ZFPM1: variants seen among roughly 807,000 people sequenced by gnomAD.
The protein encoded by ZFPM1 is zinc finger protein, FOG family member 1, also known as zinc finger protein ZFPM1.
In ZFPM1, 28 loss-of-function variants were observed where a neutral mutation model predicts 46.3. That is an observed-to-expected ratio of 0.60 (90% CI 0.45 to 0.83). The LOEUF is 0.83. ZFPM1 is among the 40% of genes least tolerant of loss of function. ZFPM1 has a pLI of 0.00. For synonymous variants in ZFPM1, 957 were observed against 675.9 expected (o/e 1.42, Z -6.45); for missense variants, 1,878 against 1,432.4 (o/e 1.31, Z -5.02).
At chr16:88,511,951 G>T (rs948183471) in intron 3 of ZFPM1, among the ~76,000 whole-genome samples, 1 of 152,048 alleles carries the variant, frequency 6.6e-6, no homozygotes, top group Non-Finnish European at 1.5e-5. Context: ...ACACCCCTCC[G>T]ATCCCTGGAC....
intron 2 of ZFPM1, 135 bp downstream of exon 2, chr16:88,486,178 C>T: frequency 1.1e-6 from 1 of 926,146 alleles, no homozygotes. Flanking sequence ...AGGCGTCTTC[C>T]AGCCAGAGGC....
intron 1 of ZFPM1, among the ~76,000 whole-genome samples, chr16:88,460,931 AGGCCTGGTGATGACCGAGGGGCGGGGCG>A (rs1907800222): frequency 3.6e-4 from 20 of 55,000 alleles, no homozygotes; most frequent in South Asian, 1.6e-3. Flanking sequence ...GCGGGGCGGG[AGGCCTGGTGATGACCGAGGGGCGGGGCG>A]GGAGGCCTGG....
At chr16:88,530,242 G>A (rs149922632) in intron 6 of ZFPM1, among the ~76,000 whole-genome samples, 159 of 152,260 alleles carry the variant, frequency 1.0e-3, no homozygotes, top group African/African-American at 3.4e-3. Context: ...TGAGGGTCCC[G>A]TCCTCCAGCA....
At chr16:88,494,577 G>C (rs1909824644) in intron 3 of ZFPM1, among the ~76,000 whole-genome samples, 1 of 152,210 alleles carries the variant, frequency 6.6e-6, no homozygotes, top group African/African-American at 2.4e-5. Context: ...ATTCCAGGAG[G>C]GGGTGTCCGC....
At chr16:88,485,170 C>T (rs933984156) in intron 1 of ZFPM1, among the ~76,000 whole-genome samples, 5 of 152,140 alleles carry the variant, frequency 3.3e-5, no homozygotes, top group Non-Finnish European at 7.4e-5. Context: ...GTGGCGACGG[C>T]GACCCTCAGG....
rs541158985 is a variant in ZFPM1 at position 88,497,527 on chromosome 16, G to A, written c.268+8374G>A. ...GGGGTCAGGGTGGGGCTCAGGGCCC[G>A]GGCGGGGATGGGGTTCAGCGGGGTC... On this transcript the variant is annotated intron_variant, in intron 3 of 9. Transcript: ENST00000319555. This position sits in a 1 kb window ranked among gnomAD's most constrained non-coding sequence, Gnocchi z 5.4. Among the ~76,000 whole-genome samples, 3 of 151,006 alleles carry A rather than the reference G, an allele frequency of 2.0e-5. No homozygotes were observed. The highest frequency in any genetic ancestry group is 2.0e-4 in the East Asian group (1 of 5,098).
chr16:88,506,742 C>G (rs1443245439), intron 3 of ZFPM1, among the ~76,000 whole-genome samples: 2 of 150,880 alleles, frequency 1.3e-5, no homozygotes, highest in East Asian at 2.0e-4. Context: ...CCTGCAAGGA[C>G]CTGGACCCTC....
Position 88,532,638 on chromosome 16 carries a change from T to G in ZFPM1, c.971T>G (p.Ile324Ser), listed in dbSNP as rs1008998032. The change falls in exon 8 of 10, where the codon ATC becomes AGC. Residue 324 changes from isoleucine (I) to serine (S), a missense_variant. Transcript: ENST00000319555. ...GGAGAGCGGCCCTTCGTGTGCCTGA[T>G]CTGCCTGTCGGCCTTCACCACCAAG... is the stretch of plus-strand genomic sequence containing the variant. ...HSGERPFVCL[I>S]CLSAFTTKAN... 1 of 1,583,380 alleles carries G rather than the reference T, an allele frequency of 6.3e-7. No individual in the cohort carries two copies. Among genetic ancestry groups the G allele is most frequent in the African/African-American group, 1.3e-5 (1 of 74,386 alleles).
In ZFPM1 at chr16:88,528,129, T is replaced by C. The variant is rs948423764; in HGVS notation, c.603T>C (p.Pro201=). 7 of 1,598,218 alleles carry C rather than the reference T, an allele frequency of 4.4e-6. No individual in the cohort carries two copies. Among genetic ancestry groups the C allele is most frequent in the Admixed American group, 1.7e-5 (1 of 58,370 alleles). The change falls in exon 6 of 10, where the codon CCT becomes CCC. Residue 201 remains proline, a synonymous_variant. Transcript: ENST00000319555. The part of the protein sequence containing the change: ...TAEPHSTPGH[P]VKKEPAEPTC... ...AGCCCCACAGCACCCCCGGCCACCCTGTGAAGAAGGAGCCAGCAGAGCCCA... is the reference window on the plus strand; with the variant it reads ...AGCCCCACAGCACCCCCGGCCACCCCGTGAAGAAGGAGCCAGCAGAGCCCA...
rs138649888 is a variant in ZFPM1, at chr16:88,532,847, G to C, written c.1101G>C (p.Leu367Phe). 4.3e-5 allele frequency: 70 copies of C among 1,613,366 alleles called. No individual in the cohort carries two copies. In the African/African-American group the frequency reaches 8.4e-4, roughly 19 times the overall value. ...STTRDILYSH[L>F]VTNHMVCQPG... The stretch of plus-strand genomic sequence containing the variant: ...CAAGGGACATCCTCTACAGCCACTT[G>C]GTCACCAACCACATGGTCTGCCAGC... Residue 367 changes from leucine to phenylalanine, a missense_variant, in exon 9 of 10, where the codon TTG becomes TTC. By Grantham distance (22) the Leu-to-Phe change is conservative (BLOSUM62 0). Transcript: ENST00000319555.
intron 1 of ZFPM1, among the ~76,000 whole-genome samples, chr16:88,483,268 G>C (rs1428152196): frequency 6.7e-6 from 1 of 150,350 alleles, no homozygotes; most frequent in East Asian, 1.9e-4. Flanking sequence ...CTCCCCGGTG[G>C]CACCTGCCCC....
chr16:88,489,536 G>A (rs965598184), intron 3 of ZFPM1, among the ~76,000 whole-genome samples: 5 of 152,202 alleles, frequency 3.3e-5, no homozygotes, highest in South Asian at 4.1e-4. Context: ...CAGCTGGGCC[G>A]GGATTCAGAG....
intron 1 of ZFPM1, among the ~76,000 whole-genome samples, chr16:88,461,183 C>CGGGAGGCCTGGTGAGGACCAA (rs1907856948): frequency 2.9e-5 from 1 of 34,724 alleles, no homozygotes; most frequent in African/African-American, 2.2e-4. Flanking sequence ...GACCGAGGGG[C>CGGGAGGCCTGGTGAGGACCAA]GGGGCGGGAG....
intron 1 of ZFPM1, among the ~76,000 whole-genome samples, chr16:88,475,560 G>T (rs1000559474): frequency 6.6e-6 from 1 of 152,100 alleles, no homozygotes; most frequent in African/African-American, 2.4e-5. Context: ...GGAGGGGAGA[G>T]CGAGCTGAGG....
chr16:88,463,034 C>T (rs1455443861), intron 1 of ZFPM1, among the ~76,000 whole-genome samples: 1 of 152,190 alleles, frequency 6.6e-6, no homozygotes, highest in Non-Finnish European at 1.5e-5. Flanking sequence ...TGCGTGGGCC[C>T]ACTCCTTCCC....
intron 3 of ZFPM1, among the ~76,000 whole-genome samples, chr16:88,502,063 CCCATTTATTT>C (rs1157847057): frequency 1.8e-3 from 226 of 128,028 alleles, no homozygotes; most frequent in Middle Eastern, 0.011. Flanking sequence ...CCCGCCCCCC[CCCATTTATTT>C]ATTTATTTAT....
At chr16:88,476,338 C>T (rs1908684908) in intron 1 of ZFPM1, among the ~76,000 whole-genome samples, 1 of 152,212 alleles carries the variant, frequency 6.6e-6, no homozygotes, top group South Asian at 2.1e-4. Flanking sequence ...CTTCCCGTGT[C>T]CATCAGCATT....
rs1484814842 is a variant in ZFPM1, at chr16:88,453,497, G to C, written c.-142G>C. ...AGCGGCTCCGGGGCTGGGCGCGCGG[G>C]CTGGGGGCGCGGGCCGGGGCGGCCG... On this transcript the variant is annotated 5_prime_UTR_variant, in exon 1 of 10. Transcript: ENST00000319555. 1 of 249,748 alleles carries C rather than the reference G, an allele frequency of 4.0e-6. No homozygotes were observed. Among genetic ancestry groups the C allele is most frequent in the African/African-American group, 2.4e-5 (1 of 42,456 alleles). 15.5% of individuals were successfully genotyped at this position (249,748 alleles called of 1,614,324 possible).
chr16:88,521,073 G>A (rs1187244826), intron 4 of ZFPM1, among the ~76,000 whole-genome samples: 1 of 111,914 alleles, frequency 8.9e-6, no homozygotes, highest in African/African-American at 2.7e-5. Flanking sequence ...GTGGGTGGGT[G>A]GATGGATGAT....
Sources: gnomAD v4.1 joint callset for allele counts (sites outside exome capture counted in the v4.1 genomes callset) on GRCh38, gnomAD v4.1.1 for gene constraint, Gnocchi (gnomAD v3.1) non-coding constraint, MANE v1.5 for transcripts, NCBI Gene and HGNC (gene_info 2026-07-23, HGNC 2026-07-21) for gene names.